INSC: variants seen among roughly 807,000 people sequenced by gnomAD.
The protein encoded by INSC is INSC spindle orientation adaptor protein.
Under a neutral mutation model 58.6 loss-of-function variants are expected in INSC, and 67 were observed. The observed-to-expected ratio is 1.14, with a 90% CI of 0.94 to 1.40. The LOEUF is 1.40. Ranked by LOEUF, INSC falls within the 40% of genes most tolerant of loss-of-function variation. The pLI, the probability that INSC is intolerant of heterozygous loss-of-function variation, is 0.00. For missense variants in INSC, 714 were observed against 692.0 expected, an observed-to-expected ratio of 1.03 and a Z score of -0.36; for synonymous variants, 262 against 276.1, an observed-to-expected ratio of 0.95 and a Z score of 0.51.
chr11:15,190,663 G>A lies in INSC; in HGVS notation c.580-38G>A, dbSNP rs778138789. The A allele has an allele frequency of 5.0e-6, 7 of 1,387,968 alleles. No homozygotes were observed. In the East Asian group the frequency reaches 1.6e-4, roughly 32 times the overall value. 86.0% of individuals were successfully genotyped at this position (1,387,968 alleles called of 1,614,324 possible). A position where few individuals can be genotyped will look rare whatever the true frequency, so the allele number is the denominator to read the frequency against. On this transcript the variant is annotated intron_variant, in intron 5 of 12. Coordinates refer to ENST00000379556, the MANE Select transcript of INSC (RefSeq NM_001042536.3). ...CTAAGATGAGCAGAGGGTAGAGGTGGTGAGTAACTACTAGCTAACTTTTCT... is the reference window on the plus strand; with the variant it reads ...CTAAGATGAGCAGAGGGTAGAGGTGATGAGTAACTACTAGCTAACTTTTCT...
chr11:15,181,299 T>C (rs532386962), intron 5 of INSC, among the ~76,000 whole-genome samples: 39 of 152,342 alleles, frequency 2.6e-4, no homozygotes, highest in African/African-American at 8.9e-4. Context: ...AAAAATATTA[T>C]TAAAGCACCT....
intron 2 of INSC, among the ~76,000 whole-genome samples, chr11:15,172,130 A>G (rs1303853401): frequency 1.3e-5 from 2 of 152,220 alleles, no homozygotes; most frequent in Non-Finnish European, 2.9e-5. Context: ...TGGAAAGATA[A>G]TGTAACAGAT....
At chr11:15,258,451 T>C in the INSC span, among the ~76,000 whole-genome samples, 2,478 of 152,322 alleles carry the variant, frequency 0.016, 73 homozygotes, top group African/African-American at 0.057. Context: ...TGTGACTGCA[T>C]CGCTCATCCA....
intron 5 of INSC, among the ~76,000 whole-genome samples, chr11:15,182,467 T>C (rs1264078839): frequency 2.0e-5 from 3 of 152,152 alleles, no homozygotes; most frequent in African/African-American, 7.2e-5. Context: ...TTACCATATA[T>C]GGGGAAAAAA....
upstream of INSC, among the ~76,000 whole-genome samples, chr11:15,114,446 C>T (rs192756763): frequency 7.0e-4 from 107 of 152,274 alleles, no homozygotes; most frequent in Admixed American, 1.2e-3. Context: ...AGCTGGGTGG[C>T]TTCCTCCTTC....
chr11:15,218,036 A>G (rs1851286643), intron 7 of INSC, among the ~76,000 whole-genome samples: 1 of 152,212 alleles, frequency 6.6e-6, no homozygotes, highest in Admixed American at 6.5e-5. Flanking sequence ...CTAGATTGGG[A>G]TCTCTGAAGA....
At chr11:15,206,559 C>T (rs1162549777) in intron 7 of INSC, among the ~76,000 whole-genome samples, 5 of 152,204 alleles carry the variant, frequency 3.3e-5, no homozygotes, top group South Asian at 2.1e-4. Flanking sequence ...GAGTAAGGGC[C>T]CCAGAGCCAC....
chr11:15,114,562 C>T (rs1847644252), upstream of INSC, among the ~76,000 whole-genome samples: 2 of 152,146 alleles, frequency 1.3e-5, no homozygotes, highest in Admixed American at 1.3e-4. Context: ...ATGCGGGGCA[C>T]CTTGTGGGCG....
intron 7 of INSC, among the ~76,000 whole-genome samples, chr11:15,217,383 G>T (rs1325957540): frequency 1.3e-5 from 2 of 152,202 alleles, no homozygotes; most frequent in East Asian, 3.8e-4. Flanking sequence ...AGATTTGGGT[G>T]GGGACACAGC....
At chr11:15,194,681 A>G (rs11023467) in intron 6 of INSC, among the ~76,000 whole-genome samples, 51,110 of 152,084 alleles carry the variant, frequency 0.34, 9,061 homozygotes, top group African/African-American at 0.41. Flanking sequence ...CTATGAAGAA[A>G]GTACCATGTT....
At chr11:15,225,567 C>A in intron 8 of INSC, 83 bp from the exon 9 acceptor site, 1 of 1,374,488 alleles carries the variant, frequency 7.3e-7, no homozygotes, top group Non-Finnish European at 1.0e-6. Context: ...AACGATCTCC[C>A]AGAGGTATTG....
intron 1 of INSC, among the ~76,000 whole-genome samples, chr11:15,122,734 A>G (rs1847902551): frequency 6.6e-6 from 1 of 152,010 alleles, no homozygotes; most frequent in African/African-American, 2.4e-5. Flanking sequence ...CACCAGCATC[A>G]TCCTAGTTCA....
chr11:15,135,332 A>T (rs1371669610), intron 1 of INSC, among the ~76,000 whole-genome samples: 2 of 152,194 alleles, frequency 1.3e-5, no homozygotes, highest in Non-Finnish European at 2.9e-5. Context: ...TTCATGTTTG[A>T]TCCATTCTGT....
intron 7 of INSC, among the ~76,000 whole-genome samples, chr11:15,205,180 C>T (rs142083914): frequency 3.1e-4 from 47 of 152,172 alleles, no homozygotes; most frequent in Middle Eastern, 3.4e-3. Flanking sequence ...GTTCCAGGCT[C>T]GCCTAGGCAA....
intron 7 of INSC, among the ~76,000 whole-genome samples, chr11:15,209,660 C>G (rs1401904614): frequency 1.3e-5 from 2 of 152,088 alleles, no homozygotes; most frequent in Non-Finnish European, 2.9e-5. Context: ...TTTGCACACA[C>G]AGGTGAATAA....
At chr11:15,209,502 C>T (rs1213151474) in intron 7 of INSC, among the ~76,000 whole-genome samples, 9 of 152,086 alleles carry the variant, frequency 5.9e-5, no homozygotes, top group African/African-American at 9.7e-5. Context: ...ACCTCCTTCC[C>T]GACTGTGATC....
chr11:15,239,193 T>A, intron 11 of INSC, 119 bp downstream of exon 11: 1 of 1,255,504 alleles, frequency 8.0e-7, no homozygotes, highest in Non-Finnish European at 1.1e-6. Flanking sequence ...ATAAGCCCTG[T>A]CTCTGGGGGC....
intron 2 of INSC, among the ~76,000 whole-genome samples, chr11:15,157,598 A>G (rs1288119086): frequency 6.6e-6 from 1 of 152,172 alleles, no homozygotes; most frequent in Non-Finnish European, 1.5e-5. Flanking sequence ...CAAATCCAGT[A>G]GGAGAGGTGG....
chr11:15,214,698 A>G (rs550971342), intron 7 of INSC, among the ~76,000 whole-genome samples: 257 of 152,344 alleles, frequency 1.7e-3, no homozygotes, highest in African/African-American at 5.5e-3. Context: ...CTGGAAACAT[A>G]ATCCCCAGTG....
Sources: gnomAD v4.1 joint callset for allele counts (sites outside exome capture counted in the v4.1 genomes callset) on GRCh38, gnomAD v4.1.1 for gene constraint, MANE v1.5 for transcripts, NCBI Gene and HGNC (gene_info 2026-07-23, HGNC 2026-07-21) for gene names.